Variants in COL4A6 observed in about 807,000 individuals in gnomAD.
COL4A6 encodes the protein collagen alpha-6(IV) chain.
In COL4A6, 59 loss-of-function variants were observed where a neutral mutation model predicts 126.7. The observed-to-expected ratio is 0.47, with a 90% CI of 0.38 to 0.58. COL4A6 has a LOEUF of 0.58. Among genes scored for constraint, COL4A6 ranks in the 20% least tolerant of loss-of-function variants. The probability of loss-of-function intolerance (pLI) is 0.00; values close to 1 mark genes in which losing one functional copy is unlikely to be tolerated. For missense variants in COL4A6, 1,285 were observed against 1,337.3 expected, an observed-to-expected ratio of 0.96 and a Z score of 0.61; for synonymous variants, 547 against 496.6, an observed-to-expected ratio of 1.10 and a Z score of -1.35.
chrX:108,195,553 T>TTACAG (rs1468335043), intron 14 of COL4A6, among the ~76,000 whole-genome samples: 1 of 112,457 alleles, frequency 8.9e-6, no homozygotes, highest in African/African-American at 3.2e-5. Flanking sequence ...ATTACAGACA[T>TTACAG]GAGCCACCGT....
intron 2 of COL4A6, among the ~76,000 whole-genome samples, chrX:108,355,199 C>T (rs183238197): frequency 3.0e-3 from 338 of 111,942 alleles, no homozygotes; most frequent in African/African-American, 0.011. Flanking sequence ...GCAAGGACCA[C>T]TGTAGGAAAC....
chrX:108,289,104 C>G (rs1420794855), intron 3 of COL4A6, among the ~76,000 whole-genome samples: 2 of 111,477 alleles, frequency 1.8e-5, no homozygotes, highest in Non-Finnish European at 3.8e-5. Flanking sequence ...CAGCTAAATG[C>G]AAAGCATAAT....
chrX:108,277,708 T>TGACCCCC (rs1203914785), intron 3 of COL4A6, among the ~76,000 whole-genome samples: 1 of 112,241 alleles, frequency 8.9e-6, no homozygotes, highest in Non-Finnish European at 1.9e-5. Flanking sequence ...CCCTGACCCC[T>TGACCCCC]GACCCCCGAG....
intron 2 of COL4A6, among the ~76,000 whole-genome samples, chrX:108,386,223 G>C (rs759286297): frequency 8.9e-6 from 1 of 111,824 alleles, no homozygotes; most frequent in South Asian, 3.7e-4. Context: ...ATAATCCTTT[G>C]TGTATATACC....
At position 108,159,601 on chromosome X, in the gene COL4A6, G is replaced by A. The variant is rs781675915; in HGVS notation, c.4673C>T (p.Thr1558Ile). 4 of 1,212,381 alleles carry A rather than the reference G, an allele frequency of 3.3e-6. No homozygotes were observed. The highest frequency in any genetic ancestry group is 2.3e-4 in the Middle Eastern group (1 of 4,355). ...GCGGCTGATGTACTGGGGAATCTGG[G>A]TCTGGCTGACGGGCATCATGGGGAT... is the stretch of plus-strand genomic sequence containing the variant. ...APIPMMPVSQTQIPQYISRCS... is the reference protein window; with the variant it reads ...APIPMMPVSQIQIPQYISRCS... Residue 1558 changes from threonine to isoleucine, a missense_variant, in exon 44 of 45, where the codon ACC becomes ATC. Coordinates refer to ENST00000334504, the MANE Select transcript of COL4A6 (RefSeq NM_033641.4).
At position 108,161,613 on chromosome X, in the gene COL4A6, T is replaced by C; in HGVS notation, c.4333+6A>G. On this transcript the variant is annotated splice_donor_region_variant and intron_variant, in intron 42 of 44. Transcript: ENST00000334504. ...CCGCCCGCCTCCTAATGTGGCATCA[T>C]CAGACCTTCAAATCCTGGAGGGCCT... 2.1e-6 allele frequency: 1 copy of C among 467,622 alleles called. No individual in the cohort carries two copies. Among genetic ancestry groups the C allele is most frequent in the Non-Finnish European group, 3.4e-6 (1 of 295,173 alleles). 38.5% of individuals were successfully genotyped at this position (467,622 alleles called of 1,213,427 possible).
chrX:108,212,153 T>C (rs1328714696), intron 6 of COL4A6, among the ~76,000 whole-genome samples: 1 of 110,574 alleles, frequency 9.0e-6, no homozygotes, highest in Non-Finnish European at 1.9e-5. Context: ...AACCAGATAG[T>C]AAATAATTTA....
At chrX:108,160,793 G>A in intron 42 of COL4A6, 139 bp from the exon 43 acceptor site, 1 of 535,480 alleles carries the variant, frequency 1.9e-6, no homozygotes. Context: ...CCTGGAAAAT[G>A]GTATTACCAC....
At chrX:108,391,593 G>A (rs943152166) in intron 2 of COL4A6, among the ~76,000 whole-genome samples, 2 of 112,345 alleles carry the variant, frequency 1.8e-5, no homozygotes, top group Admixed American at 9.4e-5. Context: ...TTTCAAGCCA[G>A]TGGATCTTAG....
intron 2 of COL4A6, among the ~76,000 whole-genome samples, chrX:108,425,361 C>T (rs181075507): frequency 5.6e-4 from 62 of 111,031 alleles, no homozygotes; most frequent in Non-Finnish European, 1.9e-4. Flanking sequence ...AAAGCCCTCA[C>T]CCCATGATGT....
intron 3 of COL4A6, among the ~76,000 whole-genome samples, chrX:108,222,285 C>T (rs1209313689): frequency 8.9e-6 from 1 of 111,909 alleles, no homozygotes; most frequent in African/African-American, 3.3e-5. Context: ...AAATGAAAAC[C>T]ATTAGTAATA....
At chrX:108,341,253 C>G (rs113810220) in intron 2 of COL4A6, among the ~76,000 whole-genome samples, 129 of 111,659 alleles carry the variant, frequency 1.2e-3, no homozygotes, top group African/African-American at 3.8e-3. Context: ...TCCACATCTA[C>G]AGCTTCTAAT....
chrX:108,322,488 G>A (rs1458705371), intron 2 of COL4A6, among the ~76,000 whole-genome samples: 1 of 112,161 alleles, frequency 8.9e-6, no homozygotes, highest in Non-Finnish European at 1.9e-5. Flanking sequence ...GATGGCATCA[G>A]GGGTAAAAGA....
intron 43 of COL4A6, chrX:108,160,004 C>G (rs187933984): frequency 2.3e-6 from 1 of 429,679 alleles, no homozygotes; most frequent in African/African-American, 2.4e-5. Flanking sequence ...AAAGAAACAG[C>G]GTTTAATAGA....
At chrX:108,269,311 A>C (rs746582606) in intron 3 of COL4A6, among the ~76,000 whole-genome samples, 1 of 111,861 alleles carries the variant, frequency 8.9e-6, no homozygotes, top group East Asian at 2.8e-4. Context: ...GAGGAGGTAA[A>C]TTTAAGATCC....
rs1239349619 is a variant in COL4A6, at chrX:108,164,904, C to T, written c.3943G>A (p.Gly1315Ser). ...TTCAGTCCTAGCTCTCCAGGGAGGC[C>T]AGAAAAACCTGGAATTCCTTGGTCT... ...KGDQGIPGFSGLPGELGLKGM... is the reference protein window; with the variant it reads ...KGDQGIPGFSSLPGELGLKGM... The change falls in exon 39 of 45, where the codon GGC becomes AGC. Residue 1315 changes from glycine (G) to serine (S), a missense_variant. Physicochemically the swap from Gly to Ser is moderately conservative, Grantham distance 56 (BLOSUM62 0). Transcript: ENST00000334504. The T allele has an allele frequency of 2.5e-6, 3 of 1,206,225 alleles. No individual in the cohort carries two copies. The highest frequency in any genetic ancestry group is 3.4e-6 in the Non-Finnish European group (3 of 892,657).
At chrX:108,182,479 C>T (rs920064934) in intron 23 of COL4A6, among the ~76,000 whole-genome samples, 1 of 112,102 alleles carries the variant, frequency 8.9e-6, no homozygotes. Context: ...GATCCTCCTC[C>T]GTAGGTGGTC....
chrX:108,383,619 A>T, intron 2 of COL4A6: 3 of 542,560 alleles, frequency 5.5e-6, no homozygotes, highest in Non-Finnish European at 9.4e-6. Context: ...GATGCCCCAA[A>T]ATGGGGCACT....
chrX:108,257,070 C>T (rs761781375), intron 3 of COL4A6, among the ~76,000 whole-genome samples: 3 of 111,539 alleles, frequency 2.7e-5, no homozygotes, highest in South Asian at 7.6e-4. Context: ...CAAAGAAAGA[C>T]GAACCAAGGC....
Sources: allele counts gnomAD v4.1 joint callset (sites outside exome capture counted in the v4.1 genomes callset), GRCh38; gene constraint gnomAD v4.1.1; transcripts MANE v1.5; gene names NCBI Gene and HGNC (gene_info 2026-07-23, HGNC 2026-07-21).